BCAS3: variants seen among roughly 807,000 people sequenced by gnomAD.
The protein encoded by BCAS3 is BCAS3 microtubule associated cell migration factor.
BCAS3 carries 53 observed loss-of-function variants against 116.1 expected under a neutral mutation model. That is an observed-to-expected ratio of 0.46 (90% CI 0.37 to 0.57). The LOEUF (loss-of-function observed/expected upper bound fraction) is 0.57. Ranked by LOEUF, BCAS3 falls within the 20% of genes least tolerant of loss-of-function variation. The probability of loss-of-function intolerance (pLI) is 0.00; values close to 1 mark genes in which losing one functional copy is unlikely to be tolerated. For synonymous variants in BCAS3, 391 were observed against 408.2 expected, an observed-to-expected ratio of 0.96 and a Z score of 0.51; for missense variants, 917 against 1,165.4, an observed-to-expected ratio of 0.79 and a Z score of 3.10.
intron 7 of BCAS3, among the ~76,000 whole-genome samples, chr17:60,848,312 T>C (rs1159444107): frequency 1.3e-5 from 2 of 152,222 alleles, no homozygotes; most frequent in African/African-American, 2.4e-5. Flanking sequence ...GGATTGGATT[T>C]CTCATTTCTG....
Position 61,392,011 on chromosome 17 carries a change from T to TAA in BCAS3, c.2629_2630dup (p.Asn877LysfsTer139). On this transcript the variant is annotated frameshift_variant, in exon 24 of 24. Transcript: ENST00000407086. LOFTEE classifies it high-confidence loss of function. This position sits in a 1 kb window ranked among gnomAD's most constrained non-coding sequence, Gnocchi z 6.4. Reference sequence around the variant, plus strand: ...GAGAGGGAAGCATCGAGACTCTGAGTAACAGCTCAGGCTCCACCAGCGGCA... The same window carrying TAA: ...GAGAGGGAAGCATCGAGACTCTGAGTAAAACAGCTCAGGCTCCACCAGCGGCA... The TAA allele has an allele frequency of 6.2e-7, 1 of 1,613,740 alleles. No individual in the cohort carries two copies. The highest frequency in any genetic ancestry group is 1.1e-5 in the South Asian group (1 of 91,072).
intron 14 of BCAS3, among the ~76,000 whole-genome samples, chr17:60,955,448 G>A (rs568192703): frequency 2.7e-5 from 4 of 145,776 alleles, no homozygotes; most frequent in East Asian, 2.0e-4. Flanking sequence ...GTGCAGTGGC[G>A]CTATCTCAGC....
chr17:61,068,362 A>T lies in BCAS3; in HGVS notation c.2030-6558A>T, dbSNP rs2070954661. ...AGGGTATAAAAGTATGAGGTAAGGG[A>T]TTTGGGGACATTTTGTCCTAATTGT... On this transcript the variant is annotated intron_variant, in intron 19 of 23. Coordinates refer to ENST00000407086, the MANE Select transcript of BCAS3 (RefSeq NM_017679.5). This position sits in a 1 kb window ranked among gnomAD's most constrained non-coding sequence, Gnocchi z 4.3. 6.6e-6 allele frequency among the ~76,000 whole-genome samples: 1 copy of T among 152,118 alleles called. No homozygotes were observed. The highest frequency in any genetic ancestry group is 2.1e-4 in the South Asian group (1 of 4,820).
chr17:60,945,470 A>G (rs2060435391), intron 13 of BCAS3, among the ~76,000 whole-genome samples: 1 of 152,218 alleles, frequency 6.6e-6, no homozygotes, highest in South Asian at 2.1e-4. Flanking sequence ...TAGTGAATGT[A>G]TAGACACAGA....
At chr17:61,173,082 G>GA (rs1218001470) in intron 22 of BCAS3, among the ~76,000 whole-genome samples, 11 of 152,096 alleles carry the variant, frequency 7.2e-5, no homozygotes, top group Admixed American at 2.6e-4. Context: ...AAGGGATTTG[G>GA]AAAAATCACC....
rs567778152 is a variant in BCAS3 at position 60,967,638 on chromosome 17, A to T, written c.1221+20286A>T. 2.5e-4 allele frequency among the ~76,000 whole-genome samples: 38 copies of T among 152,196 alleles called. No homozygotes were observed. Among genetic ancestry groups the T allele is most frequent in the Non-Finnish European group, 4.9e-4 (33 of 68,008 alleles). On this transcript the variant is annotated intron_variant, in intron 14 of 23. Coordinates refer to ENST00000407086, the MANE Select transcript of BCAS3 (RefSeq NM_017679.5). The surrounding 1 kb of genome is among the most constrained non-coding windows in gnomAD (Gnocchi z 4.7). ...GCTGCATTTTCTACCCTTTAGTCTT[A>T]TCTCCCTCTTGAATACCAATAATTC... is the stretch of plus-strand genomic sequence containing the variant.
rs981741436 is a variant in BCAS3 at position 61,380,373 on chromosome 17, A to C, written c.2594-11604A>C. On this transcript the variant is annotated intron_variant, in intron 23 of 23. Coordinates refer to ENST00000407086, the MANE Select transcript of BCAS3 (RefSeq NM_017679.5). The surrounding 1 kb of genome is among the most constrained non-coding windows in gnomAD (Gnocchi z 4.2). ...GATGTGCTGTGCCTGGGAACAGACC[A>C]TGAACACCCCCGCAAAGCTCTCAGT... is the stretch of plus-strand genomic sequence containing the variant. The C allele has an allele frequency of 6.5e-6, 5 of 763,936 alleles. No individual in the cohort carries two copies. The highest frequency in any genetic ancestry group is 1.1e-5 in the Non-Finnish European group (5 of 453,146). 47.3% of individuals were successfully genotyped at this position (763,936 alleles called of 1,614,324 possible). A position where few individuals can be genotyped will look rare whatever the true frequency, so the allele number is the denominator to read the frequency against.
intron 5 of BCAS3, among the ~76,000 whole-genome samples, chr17:60,741,453 T>G (rs368467098): frequency 3.3e-5 from 5 of 152,350 alleles, no homozygotes; most frequent in African/African-American, 1.2e-4. Context: ...AAAACTCTAC[T>G]TATTCCAAGA....
In BCAS3 at chr17:60,761,667, C is replaced by T. The variant is rs573211328; in HGVS notation, c.403+14388C>T. Among the ~76,000 whole-genome samples, 123 of 152,152 alleles carry T rather than the reference C, an allele frequency of 8.1e-4. 1 individual carries two copies. The highest frequency in any genetic ancestry group is 1.1e-3 in the Non-Finnish European group (74 of 68,008). ...TGTGAGTAGTGCCGCAATAAACATA[C>T]GTGTGCATGTGTCTTTATAGCAGCA... On this transcript the variant is annotated intron_variant, in intron 6 of 23. Transcript: ENST00000407086.
rs1292728102 is a variant in BCAS3, at chr17:60,802,296, ATAT to A, written c.404-5707_404-5705del. ...GAGACTCTGTCTCAAAAAAAAAAAAATATATATATATATATATATATGCACACA... is the reference window on the plus strand; with the variant it reads ...GAGACTCTGTCTCAAAAAAAAAAAAAATATATATATATATATATGCACACA... On this transcript the variant is annotated intron_variant, in intron 6 of 23. Transcript: ENST00000407086. Among the ~76,000 whole-genome samples, 620 of 99,376 alleles carry A rather than the reference ATAT, an allele frequency of 6.2e-3. 6 individuals are homozygous for A. The highest frequency in any genetic ancestry group is 0.035 in the African/African-American group (578 of 16,704). The allele number at this position is 99,376 out of a possible 152,430, so 65.2% of individuals were successfully genotyped here. A position where few individuals can be genotyped will look rare whatever the true frequency, so the allele number is the denominator to read the frequency against.
intron 7 of BCAS3, among the ~76,000 whole-genome samples, chr17:60,854,115 TG>T (rs1183138201): frequency 6.6e-6 from 1 of 152,146 alleles, no homozygotes; most frequent in African/African-American, 2.4e-5. Flanking sequence ...GTGTTCTCAT[TG>T]TTCAATTCCC....
intron 7 of BCAS3, among the ~76,000 whole-genome samples, chr17:60,829,181 G>T (rs2050692338): frequency 6.6e-6 from 1 of 152,060 alleles, no homozygotes; most frequent in Admixed American, 6.6e-5. Context: ...AAAATATATA[G>T]TATGATGATG....
chr17:60,867,379 T>A (rs2054700996), intron 7 of BCAS3, among the ~76,000 whole-genome samples: 1 of 152,150 alleles, frequency 6.6e-6, no homozygotes, highest in Non-Finnish European at 1.5e-5. Context: ...GTGCTGGGGT[T>A]ACAGACGTGA....
intron 22 of BCAS3, among the ~76,000 whole-genome samples, chr17:61,231,544 C>A (rs947095815): frequency 6.6e-6 from 1 of 152,118 alleles, no homozygotes; most frequent in Non-Finnish European, 1.5e-5. Context: ...AATGCAGAAA[C>A]CATGCTGGGC....
rs2055484260 is a variant in BCAS3 at position 61,323,526 on chromosome 17, T to C, written c.2426-44801T>C. 6.6e-6 allele frequency among the ~76,000 whole-genome samples: 1 copy of C among 152,202 alleles called. No individual in the cohort carries two copies. Among genetic ancestry groups the C allele is most frequent in the Non-Finnish European group, 1.5e-5 (1 of 68,040 alleles). ...TTTCTCCTACCTGGGAGGATTGATA[T>C]GGAAGAGAAAAGTTGTTGATAATGT... On this transcript the variant is annotated intron_variant, in intron 22 of 23. Transcript: ENST00000407086. This position sits in a 1 kb window ranked among gnomAD's most constrained non-coding sequence, Gnocchi z 4.6.
chr17:61,017,492 T>A lies in BCAS3; in HGVS notation c.1637+1591T>A, dbSNP rs1053210617. ...CTGTAATTTAATTTTATATTCAGAGTGAGGGAAATTTAAGAAGGTTCAAAA... is the reference window on the plus strand; with the variant it reads ...CTGTAATTTAATTTTATATTCAGAGAGAGGGAAATTTAAGAAGGTTCAAAA... On this transcript the variant is annotated intron_variant, in intron 16 of 23. Coordinates refer to ENST00000407086, the MANE Select transcript of BCAS3 (RefSeq NM_017679.5). The surrounding 1 kb of genome is among the most constrained non-coding windows in gnomAD (Gnocchi z 4.7). 2.0e-5 allele frequency among the ~76,000 whole-genome samples: 3 copies of A among 152,128 alleles called. No homozygotes were observed. Among genetic ancestry groups the A allele is most frequent in the African/African-American group, 7.2e-5 (3 of 41,444 alleles).
At chr17:61,183,919 A>T (rs1008467219) in intron 22 of BCAS3, among the ~76,000 whole-genome samples, 1 of 152,240 alleles carries the variant, frequency 6.6e-6, no homozygotes, top group African/African-American at 2.4e-5. Flanking sequence ...ATATGTTGTG[A>T]AGAATATTAA....
chr17:61,170,662 A>AATC (rs2078793657), intron 22 of BCAS3, among the ~76,000 whole-genome samples: 1 of 152,196 alleles, frequency 6.6e-6, no homozygotes, highest in African/African-American at 2.4e-5. Context: ...AAAGATGGGA[A>AATC]ATAAATGAAG....
chr17:61,055,976 G>A (rs2069339064), intron 19 of BCAS3, among the ~76,000 whole-genome samples: 1 of 152,166 alleles, frequency 6.6e-6, no homozygotes, highest in Non-Finnish European at 1.5e-5. Context: ...TGGCTCTGGA[G>A]GTTATCTGTG....
Sources: allele counts gnomAD v4.1 joint callset (sites outside exome capture counted in the v4.1 genomes callset), GRCh38; gene constraint gnomAD v4.1.1; non-coding constraint Gnocchi (gnomAD v3.1); transcripts MANE v1.5; gene names NCBI Gene and HGNC (gene_info 2026-07-23, HGNC 2026-07-21).